The following PTPRM variants were observed in gnomAD, a reference collection of about 807,000 sequenced individuals.
PTPRM encodes receptor-type tyrosine-protein phosphatase mu.
Under a neutral mutation model 186.7 loss-of-function variants are expected in PTPRM, and 47 were observed. That is an observed-to-expected ratio of 0.25 (90% CI 0.20 to 0.32). The LOEUF is 0.32. Ranked by LOEUF, PTPRM falls within the 10% of genes least tolerant of loss-of-function variation. The pLI is 1.00. For synonymous variants in PTPRM, 668 were observed against 674.9 expected, an observed-to-expected ratio of 0.99 and a Z score of 0.16; for missense variants, 1,494 against 1,865.0, an observed-to-expected ratio of 0.80 and a Z score of 3.66.
At chr18:8,300,452 T>A (rs910763288) in intron 20 of PTPRM, among the ~76,000 whole-genome samples, 4 of 152,066 alleles carry the variant, frequency 2.6e-5, no homozygotes, top group Non-Finnish European at 5.9e-5. Flanking sequence ...ATCTCACTTC[T>A]TCATTACTTC....
At chr18:7,879,700 GGT>G (rs1407662374) in intron 2 of PTPRM, among the ~76,000 whole-genome samples, 12 of 152,146 alleles carry the variant, frequency 7.9e-5, no homozygotes, top group African/African-American at 2.9e-4. Flanking sequence ...GCACATCTGA[GGT>G]ATATGAGCTG....
intron 5 of PTPRM, among the ~76,000 whole-genome samples, chr18:7,930,830 C>T (rs180839894): frequency 1.1e-3 from 171 of 151,966 alleles, no homozygotes; most frequent in African/African-American, 2.2e-3. Flanking sequence ...TTCACAATAA[C>T]GTAACGTAAA....
intron 7 of PTPRM, among the ~76,000 whole-genome samples, chr18:7,957,450 C>G (rs1394793922): frequency 2.0e-5 from 3 of 152,176 alleles, no homozygotes; most frequent in Admixed American, 6.5e-5. Flanking sequence ...TGAAACCTCA[C>G]CTAAACCAGG....
intron 14 of PTPRM, among the ~76,000 whole-genome samples, chr18:8,215,368 T>C (rs2094066172): frequency 1.3e-5 from 2 of 151,960 alleles, no homozygotes; most frequent in Non-Finnish European, 2.9e-5. Flanking sequence ...TTCATGAAGA[T>C]ACTTATAAAA....
chr18:7,617,031 G>A (rs1280499475), intron 1 of PTPRM, among the ~76,000 whole-genome samples: 2 of 152,090 alleles, frequency 1.3e-5, no homozygotes, highest in African/African-American at 2.4e-5. Context: ...AAATCAGAAG[G>A]GTATTAAACG....
At chr18:8,163,769 ATGC>A (rs768363515) in intron 14 of PTPRM, among the ~76,000 whole-genome samples, 35 of 152,226 alleles carry the variant, frequency 2.3e-4, no homozygotes, top group Non-Finnish European at 2.6e-4. Context: ...GCAGTGTAAC[ATGC>A]TCCATTGATT....
At chr18:7,595,135 G>C (rs533469824) in intron 1 of PTPRM, among the ~76,000 whole-genome samples, 1 of 152,324 alleles carries the variant, frequency 6.6e-6, no homozygotes, top group African/African-American at 2.4e-5. Context: ...GAAAGGTCTT[G>C]GTTGTGATCC....
intron 14 of PTPRM, among the ~76,000 whole-genome samples, chr18:8,202,966 A>G (rs1246529104): frequency 1.3e-5 from 2 of 152,250 alleles, no homozygotes; most frequent in African/African-American, 4.8e-5. Context: ...CTCAGGCAGC[A>G]TAGGGCTATG....
rs138661986 is a variant in PTPRM at position 8,394,633 on chromosome 18, G to A, written c.4344+22G>A. 4.7e-4 allele frequency: 735 copies of A among 1,578,900 alleles called. 5 individuals carry two copies. In the African/African-American group the frequency reaches 8.3e-3, roughly 18 times the overall value. On this transcript the variant is annotated intron_variant, in intron 32 of 32. Transcript: ENST00000580170. ...CCTGGTAGGACACCCCCTCTGAGCT[G>A]TTCCATGAGACACCCCATTAGCATT...
intron 7 of PTPRM, among the ~76,000 whole-genome samples, chr18:8,019,175 C>T (rs755380699): frequency 3.9e-5 from 6 of 152,122 alleles, no homozygotes; most frequent in Admixed American, 2.6e-4. Flanking sequence ...AGTGTCAGTC[C>T]CGTAGGTCAC....
At chr18:7,881,318 C>T (rs1334871915) in intron 2 of PTPRM, among the ~76,000 whole-genome samples, 1 of 152,038 alleles carries the variant, frequency 6.6e-6, no homozygotes, top group Non-Finnish European at 1.5e-5. Flanking sequence ...GCTTGTAAAC[C>T]CAGCTACTCA....
At chr18:7,961,206 C>T (rs542033902) in intron 7 of PTPRM, among the ~76,000 whole-genome samples, 2 of 152,290 alleles carry the variant, frequency 1.3e-5, no homozygotes, top group South Asian at 4.1e-4. Flanking sequence ...ATTGTGCTAT[C>T]AAATACTAGT....
chr18:7,744,542 A>G (rs2040946525), intron 1 of PTPRM, among the ~76,000 whole-genome samples: 1 of 152,102 alleles, frequency 6.6e-6, no homozygotes, highest in South Asian at 2.1e-4. Context: ...TGATTGGCTT[A>G]TTATGTTTAT....
intron 20 of PTPRM, among the ~76,000 whole-genome samples, chr18:8,302,076 G>A (rs993999354): frequency 2.0e-5 from 3 of 152,210 alleles, no homozygotes; most frequent in Non-Finnish European, 4.4e-5. Flanking sequence ...TCCTGAAGCT[G>A]ATGGTCCTGG....
At chr18:7,935,440 C>A (rs994352442) in intron 5 of PTPRM, among the ~76,000 whole-genome samples, 2 of 151,992 alleles carry the variant, frequency 1.3e-5, no homozygotes, top group South Asian at 2.1e-4. Flanking sequence ...ATAAACATTT[C>A]TTTTATATTG....
chr18:8,264,870 C>T (rs1205748726), intron 19 of PTPRM, among the ~76,000 whole-genome samples: 1 of 151,946 alleles, frequency 6.6e-6, no homozygotes, highest in Non-Finnish European at 1.5e-5. Context: ...CTATCAAACC[C>T]ATTTTCCAGA....
At chr18:7,588,571 A>G (rs1722154102) in intron 1 of PTPRM, among the ~76,000 whole-genome samples, 2 of 152,250 alleles carry the variant, frequency 1.3e-5, no homozygotes, top group Non-Finnish European at 1.5e-5. Context: ...AATCAGTGTC[A>G]GGAATCTTCA....
intron 17 of PTPRM, among the ~76,000 whole-genome samples, chr18:8,251,125 A>G (rs1221367947): frequency 5.3e-5 from 8 of 152,226 alleles, no homozygotes; most frequent in Non-Finnish European, 1.2e-4. Flanking sequence ...ATTACATACA[A>G]CAGTGACAGT....
intron 3 of PTPRM, among the ~76,000 whole-genome samples, chr18:7,900,715 T>G (rs1325567329): frequency 6.6e-6 from 1 of 152,142 alleles, no homozygotes; most frequent in Non-Finnish European, 1.5e-5. Context: ...CTCAGAAAAA[T>G]TACTTAACCT....
Sources: allele counts gnomAD v4.1 joint callset (sites outside exome capture counted in the v4.1 genomes callset), GRCh38; gene constraint gnomAD v4.1.1; transcripts MANE v1.5; gene names NCBI Gene and HGNC (gene_info 2026-07-23, HGNC 2026-07-21).